Variants in DHRS4L2 observed in about 807,000 individuals in gnomAD.
DHRS4L2 encodes the protein dehydrogenase/reductase SDR family member 4-like 2.
In DHRS4L2, 22 loss-of-function variants were observed where a neutral mutation model predicts 23.9. The ratio of observed to expected loss-of-function variants is 0.92; its 90% confidence interval spans 0.66 to 1.31. The LOEUF (loss-of-function observed/expected upper bound fraction) is 1.31. Among genes scored for constraint, DHRS4L2 ranks in the 40% most tolerant of loss-of-function variants. DHRS4L2 has a pLI of 0.00. For synonymous variants in DHRS4L2, 141 were observed against 123.7 expected (o/e 1.14, Z -0.93); for missense variants, 385 against 303.3 (o/e 1.27, Z -2.00).
intron 1 of DHRS4L2, among the ~76,000 whole-genome samples, chr14:23,972,232 C>T (rs144964273): frequency 0.049 from 7,433 of 151,920 alleles, 355 homozygotes; most frequent in East Asian, 0.21. Context: ...GAGTTTGTTC[C>T]TTCTGATGTT....
chr14:23,988,877 C>T (rs867035929), upstream of DHRS4L2: 8 of 1,558,190 alleles, frequency 5.1e-6, 1 homozygote, highest in Admixed American at 1.7e-5. Context: ...GCCCGCCCTT[C>T]GTCCTGCCCC....
rs1000845219 is a variant in DHRS4L2 at position 23,991,010 on chromosome 14, C to A, written c.306+651C>A. 19 of 539,874 alleles carry A rather than the reference C, an allele frequency of 3.5e-5. 1 individual carries two copies. The highest frequency in any genetic ancestry group is 1.4e-4 in the East Asian group (1 of 6,902). 33.4% of individuals were successfully genotyped at this position (539,874 alleles called of 1,614,324 possible). A position where few individuals can be genotyped will look rare whatever the true frequency, so the allele number is the denominator to read the frequency against. The stretch of plus-strand genomic sequence containing the variant: ...AGTCAATGTCATAATTAGTAGTGGA[C>A]AACAGCCTTGCAGCTGCTGAAGCAA... On this transcript the variant is annotated intron_variant, in intron 2 of 7. Coordinates refer to ENST00000335125, the MANE Select transcript of DHRS4L2 (RefSeq NM_198083.4).
In DHRS4L2 at chr14:23,995,171, G is replaced by C. The variant is rs375882991; in HGVS notation, c.408+38G>C. 1.2e-4 allele frequency: 187 copies of C among 1,604,460 alleles called. 6 individuals are homozygous for C. The highest frequency in any genetic ancestry group is 1.5e-4 in the Non-Finnish European group (173 of 1,172,226). ...TAAAGAAGCGCGGAAGGGGGCCTCG[G>C]GACACATTCAGCACAAACTCCATCT... On this transcript the variant is annotated intron_variant, in intron 3 of 7. Transcript: ENST00000335125.
chr14:23,972,918 T>A (rs1368615955), intron 1 of DHRS4L2, among the ~76,000 whole-genome samples: 3 of 151,948 alleles, frequency 2.0e-5, no homozygotes, highest in Admixed American at 2.0e-4. Flanking sequence ...TATGTTTCTC[T>A]CCACCCAAAC....
chr14:23,976,153 C>A (rs2033959307), intron 1 of DHRS4L2, among the ~76,000 whole-genome samples: 1 of 151,756 alleles, frequency 6.6e-6, no homozygotes, highest in Non-Finnish European at 1.5e-5. Flanking sequence ...AAGAAACTAT[C>A]ATCAGAGTGA....
chr14:23,973,731 G>C (rs2033912921), intron 1 of DHRS4L2, among the ~76,000 whole-genome samples: 2 of 151,492 alleles, frequency 1.3e-5, no homozygotes, highest in African/African-American at 4.9e-5. Flanking sequence ...CCCAATACAG[G>C]AGAACCCAGA....
chr14:23,991,362 T>A (rs2034265408), intron 2 of DHRS4L2, among the ~76,000 whole-genome samples: 1 of 151,708 alleles, frequency 6.6e-6, no homozygotes, highest in Non-Finnish European at 1.5e-5. Context: ...AGCCCAAGAT[T>A]GGGGCCTTGA....
Position 23,996,650 on chromosome 14 carries a change from CT to C in DHRS4L2, c.408+1531del, listed in dbSNP as rs771033729. 5.6e-3 allele frequency among the ~76,000 whole-genome samples: 733 copies of C among 131,106 alleles called. 5 individuals carry two copies. The highest frequency in any genetic ancestry group is 0.012 in the Middle Eastern group (3 of 246). 86.0% of individuals were successfully genotyped at this position (131,106 alleles called of 152,430 possible). On this transcript the variant is annotated intron_variant, in intron 3 of 7. Transcript: ENST00000335125. ...ACAGACTCTTGCTCTGTCTTTTTTC[CT>C]TTTTTTTTTTTTTCCCCCTCGCTGT... is the stretch of plus-strand genomic sequence containing the variant.
chr14:23,976,424 A>C (rs1424464436), intron 1 of DHRS4L2, among the ~76,000 whole-genome samples: 1 of 151,934 alleles, frequency 6.6e-6, no homozygotes, highest in Non-Finnish European at 1.5e-5. Context: ...CACAACACTT[A>C]GAATGGCAAC....
chr14:23,973,182 T>C (rs2033897960), intron 1 of DHRS4L2, among the ~76,000 whole-genome samples: 2 of 151,930 alleles, frequency 1.3e-5, no homozygotes, highest in South Asian at 4.2e-4. Flanking sequence ...GTCAGGTCTT[T>C]CTCATCCCAT....
At chr14:23,996,163 G>A (rs1408326750) in intron 3 of DHRS4L2, among the ~76,000 whole-genome samples, 3 of 151,652 alleles carry the variant, frequency 2.0e-5, no homozygotes, top group Admixed American at 2.0e-4. Context: ...GCCACAGGGA[G>A]GGCACCAAGC....
intron 1 of DHRS4L2, among the ~76,000 whole-genome samples, chr14:23,971,657 G>C (rs1316656698): frequency 6.6e-6 from 1 of 152,026 alleles, no homozygotes; most frequent in African/African-American, 2.4e-5. Context: ...AACCAGAAAA[G>C]AGTTGGGACC....
chr14:23,975,844 C>G (rs796536291), intron 1 of DHRS4L2, among the ~76,000 whole-genome samples: 5 of 151,844 alleles, frequency 3.3e-5, no homozygotes, highest in African/African-American at 1.2e-4. Flanking sequence ...CTGACAGAAA[C>G]AAGCAATGGG....
At chr14:23,984,191 T>C (rs913863688), upstream of DHRS4L2, among the ~76,000 whole-genome samples, 2 of 151,594 alleles carry the variant, frequency 1.3e-5, no homozygotes, top group African/African-American at 4.8e-5. Flanking sequence ...AGGAAACTTC[T>C]GGAAAGATAC....
chr14:24,005,746 G>A, intron 7 of DHRS4L2, 140 bp from the exon 8 acceptor site: 2 of 1,425,574 alleles, frequency 1.4e-6, no homozygotes, highest in Non-Finnish European at 1.9e-6. Flanking sequence ...AACCCTATTT[G>A]ATAGGCAGAA....
chr14:23,988,978 G>T lies in DHRS4L2; in HGVS notation c.31G>T (p.Ala11Ser), dbSNP rs1566493416. The T allele has an allele frequency of 1.9e-6, 3 of 1,611,894 alleles. No homozygotes were observed. Among genetic ancestry groups the T allele is most frequent in the Non-Finnish European group, 2.5e-6 (3 of 1,179,088 alleles). ...GATGGCCAGGCTGCTAGGCCTCTGT[G>T]CCTGGGCACGGAAGTCGGTGCGGAT... MQMARLLGLC[A>S]WARKSVRMAS... The change falls in exon 1 of 8, where the codon GCC (alanine) becomes TCC (serine). Residue 11 changes from alanine (A) to serine (S), a missense_variant. Transcript: ENST00000335125.
intron 2 of DHRS4L2, 80 bp downstream of exon 2, chr14:23,990,439 C>G (rs1249750900): frequency 6.7e-7 from 1 of 1,490,436 alleles, no homozygotes; most frequent in Non-Finnish European, 8.9e-7. Context: ...CTTTCCTAGA[C>G]AGCAGCACAT....
rs2034570871 is a variant in DHRS4L2, at chr14:24,006,004, C to A, written c.*141C>A. 6.2e-7 allele frequency: 1 copy of A among 1,605,394 alleles called. No individual in the cohort carries two copies. Among genetic ancestry groups the A allele is most frequent in the Non-Finnish European group, 8.5e-7 (1 of 1,176,672 alleles). On this transcript the variant is annotated 3_prime_UTR_variant, in exon 8 of 8. Coordinates refer to ENST00000335125, the MANE Select transcript of DHRS4L2 (RefSeq NM_198083.4). ...AGGAACCCCGTCCCGCCTCTGAGGA[C>A]CGGGAGACAGCCCACAGGCCAGAGT... is the stretch of plus-strand genomic sequence containing the variant.
intron 1 of DHRS4L2, among the ~76,000 whole-genome samples, chr14:23,975,043 C>G (rs1356855033): frequency 6.6e-6 from 1 of 151,746 alleles, no homozygotes; most frequent in Non-Finnish European, 1.5e-5. Flanking sequence ...GATGCATTCT[C>G]TCACCACTCT....
Sources: allele counts gnomAD v4.1 joint callset (sites outside exome capture counted in the v4.1 genomes callset), GRCh38; gene constraint gnomAD v4.1.1; transcripts MANE v1.5; gene names NCBI Gene and HGNC (gene_info 2026-07-23, HGNC 2026-07-21).